DOCK2: variants seen among roughly 807,000 people sequenced by gnomAD.
DOCK2 encodes the protein dedicator of cytokinesis 2.
DOCK2 carries 87 observed loss-of-function variants against 248.9 expected under a neutral mutation model. The ratio of observed to expected loss-of-function variants is 0.35; its 90% CI spans 0.29 to 0.42. The LOEUF (loss-of-function observed/expected upper bound fraction) is 0.42, where lower values mean the gene tolerates loss of function less well. Among genes scored for constraint, DOCK2 ranks in the 10% least tolerant of loss-of-function variants. The pLI, the probability that DOCK2 is intolerant of heterozygous loss-of-function variation, is 1.00. For synonymous variants in DOCK2, 805 were observed against 821.6 expected (o/e 0.98, Z 0.35); for missense variants, 1,747 against 2,300.2 (o/e 0.76, Z 4.92).
At position 169,700,024 on chromosome 5, in the gene DOCK2, G is replaced by A; in HGVS notation, c.1143G>A (p.Val381=). The A allele has an allele frequency of 6.2e-7, 1 of 1,613,774 alleles. No individual in the cohort carries two copies. The highest frequency in any genetic ancestry group is 8.5e-7 in the Non-Finnish European group (1 of 1,179,782). Residue 381 remains valine (V), a synonymous_variant, in exon 13 of 52, where the codon GTG becomes GTA. Transcript: ENST00000520908. ...GCTGTTCCTTTGCAGGCCTCTGGGT[G>A]ACCATGAAGATGCTGGTGGGTGACA... ...KGDSGGQGLW[V]TMKMLVGDII...
Position 169,925,578 on chromosome 5 carries a change from T to TAAAAAAAAAAAAAAAAAA in DOCK2, c.2800-57490_2800-57489insAAAAAAAAAAAAAAAAAA, listed in dbSNP as rs1561828965. Among the ~76,000 whole-genome samples, 10 of 32,324 alleles carry TAAAAAAAAAAAAAAAAAA rather than the reference T, an allele frequency of 3.1e-4. 3 individuals are homozygous for TAAAAAAAAAAAAAAAAAA. The highest frequency in any genetic ancestry group is 1.3e-3 in the African/African-American group (10 of 7,836). 21.2% of individuals were successfully genotyped at this position (32,324 alleles called of 152,430 possible). A position where few individuals can be genotyped will look rare whatever the true frequency, so the allele number is the denominator to read the frequency against. On this transcript the variant is annotated intron_variant, in intron 27 of 51. Coordinates refer to ENST00000520908, the MANE Select transcript of DOCK2 (RefSeq NM_004946.3). ...CTGGGCGACAGAGCAAGACTCTGTC[T>TAAAAAAAAAAAAAAAAAA]TAAAAAAAAAAAAAAAAAAAAAAAA...
intron 44 of DOCK2, among the ~76,000 whole-genome samples, chr5:170,065,520 C>T (rs1234796779): frequency 6.6e-6 from 1 of 152,186 alleles, no homozygotes; most frequent in East Asian, 1.9e-4. Flanking sequence ...TTTCACATTA[C>T]TGATAGAGAC....
chr5:169,883,149 T>C, intron 27 of DOCK2: 2 of 1,551,622 alleles, frequency 1.3e-6, no homozygotes, highest in Non-Finnish European at 1.7e-6. Context: ...TTTCTGAATC[T>C]AGTGGAGTCA....
At chr5:170,050,191 C>A in intron 40 of DOCK2, 65 bp from the exon 41 acceptor site, 2 of 1,583,194 alleles carry the variant, frequency 1.3e-6, no homozygotes, top group South Asian at 2.4e-5. Context: ...AGCTCCCCAG[C>A]TTTGCTTGGC....
intron 23 of DOCK2, among the ~76,000 whole-genome samples, chr5:169,752,756 C>T (rs906247286): frequency 6.6e-6 from 1 of 151,150 alleles, no homozygotes; most frequent in African/African-American, 2.4e-5. Flanking sequence ...AAAGCAAGAC[C>T]CTGTCTCTTA....
intron 26 of DOCK2, among the ~76,000 whole-genome samples, chr5:169,838,395 G>A (rs977405943): frequency 2.0e-5 from 3 of 152,158 alleles, no homozygotes; most frequent in South Asian, 2.1e-4. Context: ...AATGTTGCTC[G>A]TCTTGATGTG....
In DOCK2 at chr5:169,929,761, AAG is replaced by A. The variant is rs1254868385; in HGVS notation, c.2800-53295_2800-53294del. On this transcript the variant is annotated intron_variant, in intron 27 of 51. Transcript: ENST00000520908. The stretch of plus-strand genomic sequence containing the variant: ...TGTCTCAAAAAAAAAAAAAAAAAAA[AAG>A]AGAGAGAGAGAAAGAAGCTATCCTG... Among the ~76,000 whole-genome samples the A allele has an allele frequency of 2.2e-3, 334 of 149,572 alleles. 2 individuals carry two copies. Among genetic ancestry groups the A allele is most frequent in the African/African-American group, 8.0e-3 (322 of 40,238 alleles).
chr5:169,896,044 C>A (rs568834668), intron 27 of DOCK2, among the ~76,000 whole-genome samples: 7 of 152,158 alleles, frequency 4.6e-5, no homozygotes, highest in Admixed American at 2.6e-4. Context: ...TCTGGGCCAA[C>A]GACCAGGACA....
chr5:169,956,180 C>G (rs936234859), intron 27 of DOCK2, among the ~76,000 whole-genome samples: 3 of 152,210 alleles, frequency 2.0e-5, no homozygotes, highest in Non-Finnish European at 2.9e-5. Context: ...AAGGGCAAAA[C>G]TTGATGGTCT....
intron 27 of DOCK2, among the ~76,000 whole-genome samples, chr5:169,863,150 C>T (rs191698338): frequency 2.0e-5 from 3 of 152,312 alleles, no homozygotes; most frequent in East Asian, 1.9e-4. Context: ...TGAGCCAGAC[C>T]TTGAATAACT....
intron 26 of DOCK2, among the ~76,000 whole-genome samples, chr5:169,840,333 T>A (rs907188084): frequency 6.6e-6 from 1 of 152,206 alleles, no homozygotes; most frequent in African/African-American, 2.4e-5. Context: ...TCCACTCCCA[T>A]GATCCAATTG....
intron 2 of DOCK2, among the ~76,000 whole-genome samples, chr5:169,666,827 C>A (rs879726208): frequency 6.6e-6 from 1 of 152,210 alleles, no homozygotes; most frequent in African/African-American, 2.4e-5. Context: ...GGAGATAAAG[C>A]CTTCTTGCAA....
chr5:169,927,454 T>G (rs1164051877), intron 27 of DOCK2, among the ~76,000 whole-genome samples: 2 of 152,192 alleles, frequency 1.3e-5, no homozygotes, highest in Non-Finnish European at 2.9e-5. Context: ...GACCAGACTT[T>G]GAGAACCACT....
At chr5:169,787,180 A>G (rs1766036719) in intron 25 of DOCK2, among the ~76,000 whole-genome samples, 1 of 152,220 alleles carries the variant, frequency 6.6e-6, no homozygotes. Context: ...CGTTGTCTAT[A>G]TAGCACTTAC....
At position 169,936,578 on chromosome 5, in the gene DOCK2, CTT is replaced by C. The variant is rs4041977; in HGVS notation, c.2800-46470_2800-46469del. Among the ~76,000 whole-genome samples, 133 of 122,796 alleles carry C rather than the reference CTT, an allele frequency of 1.1e-3. 2 individuals carry two copies. The South Asian group carries it at 0.013, about 12-fold the overall frequency. 80.6% of individuals were successfully genotyped at this position (122,796 alleles called of 152,430 possible). Reference sequence around the variant, plus strand: ...AGAATCATTGGTGATTCTCAGACTCCTTTTTTTTTTTTTTTTTTTTTATGAAT... The same window carrying C: ...AGAATCATTGGTGATTCTCAGACTCCTTTTTTTTTTTTTTTTTTTATGAAT... On this transcript the variant is annotated intron_variant, in intron 27 of 51. Coordinates refer to ENST00000520908, the MANE Select transcript of DOCK2 (RefSeq NM_004946.3).
intron 2 of DOCK2, among the ~76,000 whole-genome samples, chr5:169,666,426 C>T (rs1758737304): frequency 6.6e-6 from 1 of 152,038 alleles, no homozygotes; most frequent in Non-Finnish European, 1.5e-5. Flanking sequence ...GCAAAAAAGC[C>T]CTTGTTATTG....
Position 170,012,770 on chromosome 5 carries a change from T to G in DOCK2, c.3232+4024T>G, listed in dbSNP as rs566922050. Among the ~76,000 whole-genome samples, 6 of 152,320 alleles carry G rather than the reference T, an allele frequency of 3.9e-5. No individual in the cohort carries two copies. The South Asian group carries it at 8.3e-4, about 21-fold the overall frequency. On this transcript the variant is annotated intron_variant, in intron 32 of 51. Coordinates refer to ENST00000520908, the MANE Select transcript of DOCK2 (RefSeq NM_004946.3). Reference sequence around the variant, plus strand: ...TCTGCTCGGCATGAAGAAATGCACATTTTGCTCAAAAGACTTTGCACTTAA... The same window carrying G: ...TCTGCTCGGCATGAAGAAATGCACAGTTTGCTCAAAAGACTTTGCACTTAA...
chr5:169,877,898 G>A (rs116303994), intron 27 of DOCK2, among the ~76,000 whole-genome samples: 26 of 152,218 alleles, frequency 1.7e-4, no homozygotes, highest in Admixed American at 5.2e-4. Context: ...CCGTAAGGTT[G>A]CAACTCTGTC....
chr5:169,758,358 G>A (rs1472681511), intron 23 of DOCK2, among the ~76,000 whole-genome samples: 1 of 152,164 alleles, frequency 6.6e-6, no homozygotes, highest in Non-Finnish European at 1.5e-5. Context: ...CCCCTCTCTG[G>A]GGAGGAGAGA....
Sources: allele counts gnomAD v4.1 joint callset (sites outside exome capture counted in the v4.1 genomes callset), GRCh38; gene constraint gnomAD v4.1.1; transcripts MANE v1.5; gene names NCBI Gene and HGNC (gene_info 2026-07-23, HGNC 2026-07-21).